Variants in SHQ1 observed in about 807,000 individuals in gnomAD.
SHQ1 encodes protein SHQ1 homolog.
A neutral mutation model predicts 53.8 loss-of-function variants in SHQ1; 49 were observed. The observed-to-expected ratio is 0.91, with a 90% CI of 0.72 to 1.16. SHQ1 has a LOEUF of 1.16. Ranked by LOEUF, SHQ1 falls within the 50% of genes most tolerant of loss-of-function variation. SHQ1 has a pLI of 0.00. For synonymous variants in SHQ1, 243 were observed against 251.0 expected, an observed-to-expected ratio of 0.97 and a Z score of 0.30; for missense variants, 738 against 683.1, an observed-to-expected ratio of 1.08 and a Z score of -0.90.
At chr3:72,737,595 T>C in the SHQ1 span, among the ~76,000 whole-genome samples, 1 of 152,232 alleles carries the variant, frequency 6.6e-6, no homozygotes, top group African/African-American at 2.4e-5. Flanking sequence ...GGCATAGAAG[T>C]TGCATATAAC....
chr3:72,761,248 T>C (rs1311501574), intron 10 of SHQ1, among the ~76,000 whole-genome samples: 1 of 152,188 alleles, frequency 6.6e-6, no homozygotes, highest in Non-Finnish European at 1.5e-5. Flanking sequence ...CACAGCTCAC[T>C]GCAGCCTCAA....
rs2106697656 is a variant in SHQ1 at position 72,750,838 on chromosome 3, T to C, written c.1182-2A>G. The C allele has an allele frequency of 6.7e-7, 1 of 1,501,276 alleles. No homozygotes were observed. Among genetic ancestry groups the C allele is most frequent in the African/African-American group, 1.4e-5 (1 of 70,662 alleles). The allele number at this position is 1,501,276 out of a possible 1,614,324, so 93.0% of individuals were successfully genotyped here. A position where few individuals can be genotyped will look rare whatever the true frequency, so the allele number is the denominator to read the frequency against. On this transcript the variant is annotated splice_acceptor_variant, in intron 10 of 10. Transcript: ENST00000325599. LOFTEE classifies it high-confidence loss of function. ...GCAAGAGCTGCCAACTTTTTGGATC[T>C]TGAAAACATTTTAAAAAGAAAGATT...
At chr3:72,769,421 AG>A (rs1421549981) in intron 10 of SHQ1, among the ~76,000 whole-genome samples, 1 of 152,168 alleles carries the variant, frequency 6.6e-6, no homozygotes, top group South Asian at 2.1e-4. Flanking sequence ...CCATCTCCCC[AG>A]TTCCCTAACA....
At chr3:72,768,032 CCCTAGA>C (rs1705768625) in intron 10 of SHQ1, among the ~76,000 whole-genome samples, 1 of 151,924 alleles carries the variant, frequency 6.6e-6, no homozygotes, top group Admixed American at 6.6e-5. Flanking sequence ...ACAAATCCAG[CCCTAGA>C]AGGAGCAGTT....
At chr3:72,833,992 A>T (rs1707916321) in intron 4 of SHQ1, among the ~76,000 whole-genome samples, 2 of 152,240 alleles carry the variant, frequency 1.3e-5, no homozygotes, top group South Asian at 4.1e-4. Flanking sequence ...AAACAGACTT[A>T]TAGGTTGGTG....
intron 10 of SHQ1, among the ~76,000 whole-genome samples, chr3:72,782,978 T>C (rs1480828609): frequency 6.6e-6 from 1 of 152,196 alleles, no homozygotes; most frequent in Non-Finnish European, 1.5e-5. Context: ...CTTGATCCTG[T>C]GGGTCTCCCT....
intron 8 of SHQ1, 101 bp downstream of exon 8, chr3:72,815,249 A>C: frequency 2.1e-6 from 2 of 958,982 alleles, no homozygotes; most frequent in Admixed American, 2.0e-5. Flanking sequence ...TTCTACTTTT[A>C]AAAATTCAAG....
intron 5 of SHQ1, among the ~76,000 whole-genome samples, chr3:72,831,143 A>C (rs1472416414): frequency 6.6e-6 from 1 of 152,240 alleles, no homozygotes; most frequent in African/African-American, 2.4e-5. Context: ...ATAGCAGTGT[A>C]AATGGAGTTG....
Position 72,808,751 on chromosome 3 carries a change from G to A in SHQ1, c.1060+3920C>T, listed in dbSNP as rs189247945. On this transcript the variant is annotated intron_variant, in intron 9 of 10. Transcript: ENST00000325599. Reference sequence around the variant, plus strand: ...AATGGCATCCCTGTGCCATCCACCTGTATGTATTATTAACACATCAGGACA... The same window carrying A: ...AATGGCATCCCTGTGCCATCCACCTATATGTATTATTAACACATCAGGACA... Among the ~76,000 whole-genome samples, 483 of 151,918 alleles carry A rather than the reference G, an allele frequency of 3.2e-3. 5 individuals carry two copies. Among genetic ancestry groups the A allele is most frequent in the African/African-American group, 0.01 (427 of 41,242 alleles).
intron 9 of SHQ1, among the ~76,000 whole-genome samples, chr3:72,810,603 T>G (rs1209552909): frequency 1.3e-5 from 2 of 152,208 alleles, no homozygotes; most frequent in African/African-American, 2.4e-5. Context: ...TGACTGCATT[T>G]TGAATTATAA....
At chr3:72,772,060 T>C (rs1020182197) in intron 10 of SHQ1, among the ~76,000 whole-genome samples, 10 of 152,170 alleles carry the variant, frequency 6.6e-5, no homozygotes, top group Admixed American at 4.6e-4. Flanking sequence ...GCAAGACTTT[T>C]CAGTTCTGTG....
intron 1 of SHQ1, among the ~76,000 whole-genome samples, chr3:72,846,050 T>C (rs1708319698): frequency 6.6e-6 from 1 of 152,170 alleles, no homozygotes; most frequent in Non-Finnish European, 1.5e-5. Flanking sequence ...TAACAGTAAC[T>C]ATCCAAGCGT....
At chr3:72,792,400 G>C (rs559332778) in intron 10 of SHQ1, among the ~76,000 whole-genome samples, 2 of 152,252 alleles carry the variant, frequency 1.3e-5, no homozygotes, top group East Asian at 3.9e-4. Context: ...TACCATCTGT[G>C]TACCTCCTTC....
intron 9 of SHQ1, among the ~76,000 whole-genome samples, chr3:72,799,603 T>TA (rs1254778445): frequency 3.9e-5 from 6 of 152,226 alleles, no homozygotes; most frequent in Non-Finnish European, 8.8e-5. Context: ...GTGATTTTTT[T>TA]ATCCTCAAAT....
intron 10 of SHQ1, among the ~76,000 whole-genome samples, chr3:72,783,411 C>T (rs1224171645): frequency 2.8e-5 from 4 of 143,770 alleles, no homozygotes; most frequent in African/African-American, 1.0e-4. Flanking sequence ...GTCACTCAGG[C>T]TGGAGTGCTG....
chr3:72,813,835 T>C (rs1432944307), intron 8 of SHQ1, among the ~76,000 whole-genome samples: 1 of 148,502 alleles, frequency 6.7e-6, no homozygotes, highest in South Asian at 2.1e-4. Context: ...TTTTTCTTTT[T>C]TTTTTTTTTT....
At chr3:72,772,093 A>C (rs530693391) in intron 10 of SHQ1, among the ~76,000 whole-genome samples, 1 of 152,332 alleles carries the variant, frequency 6.6e-6, no homozygotes, top group African/African-American at 2.4e-5. Flanking sequence ...ACAGATAGTC[A>C]TCATCAAGAG....
intron 10 of SHQ1, among the ~76,000 whole-genome samples, chr3:72,790,330 T>C (rs1384127086): frequency 1.3e-5 from 2 of 152,254 alleles, no homozygotes; most frequent in Non-Finnish European, 2.9e-5. Flanking sequence ...CAATAGGTTT[T>C]TGCCAAAGCA....
At chr3:72,753,582 C>T in intron 10 of SHQ1, 1 of 985,330 alleles carries the variant, frequency 1.0e-6, no homozygotes, top group Non-Finnish European at 1.2e-6. Context: ...GGGACAAGGG[C>T]AGTCACCATC....
Sources: allele counts gnomAD v4.1 joint callset (sites outside exome capture counted in the v4.1 genomes callset), GRCh38; gene constraint gnomAD v4.1.1; transcripts MANE v1.5; gene names NCBI Gene and HGNC (gene_info 2026-07-23, HGNC 2026-07-21).